The following STK32C variants were observed in gnomAD, a reference collection of about 807,000 sequenced individuals.
STK32C encodes serine/threonine kinase 32C, also known as serine/threonine-protein kinase 32C.
A neutral mutation model predicts 56.5 loss-of-function variants in STK32C; 31 were observed. The ratio of observed to expected loss-of-function variants is 0.55; its 90% confidence interval spans 0.41 to 0.74. The LOEUF is 0.74. Ranked by LOEUF, STK32C falls within the 30% of genes least tolerant of loss-of-function variation. The pLI, the probability that STK32C is intolerant of heterozygous loss-of-function variation, is 0.00. For missense variants in STK32C, 544 were observed against 676.9 expected, an observed-to-expected ratio of 0.80 and a Z score of 2.18; for synonymous variants, 309 against 289.4, an observed-to-expected ratio of 1.07 and a Z score of -0.69.
intron 2 of STK32C, among the ~76,000 whole-genome samples, chr10:132,241,291 T>C (rs1374748969): frequency 6.6e-6 from 1 of 152,184 alleles, no homozygotes; most frequent in Non-Finnish European, 1.5e-5. Context: ...CTTTGACAGC[T>C]GCGGGAAGGC....
At chr10:132,256,016 G>A (rs1446513884) in intron 1 of STK32C, among the ~76,000 whole-genome samples, 2 of 152,196 alleles carry the variant, frequency 1.3e-5, no homozygotes, top group African/African-American at 2.4e-5. Context: ...GGCAGCTCCG[G>A]GACAGGGCTC....
downstream of STK32C, among the ~76,000 whole-genome samples, chr10:132,320,709 C>G (rs1241912982): frequency 6.6e-6 from 1 of 152,112 alleles, no homozygotes; most frequent in Non-Finnish European, 1.5e-5. Flanking sequence ...CACGTTGAGG[C>G]CTGGTGGAGC....
chr10:132,252,026 G>C (rs1299940287), intron 1 of STK32C, among the ~76,000 whole-genome samples: 1 of 152,156 alleles, frequency 6.6e-6, no homozygotes, highest in Non-Finnish European at 1.5e-5. Flanking sequence ...TATGCCTCCT[G>C]GGGCCTCCGA....
At chr10:132,260,935 A>T (rs2064282224) in intron 1 of STK32C, among the ~76,000 whole-genome samples, 1 of 152,224 alleles carries the variant, frequency 6.6e-6, no homozygotes, top group Admixed American at 6.5e-5. Context: ...CAGGACGCTC[A>T]TGCGGGCCCC....
At chr10:132,325,712 T>C (rs1182223040) in intron 1 of STK32C, among the ~76,000 whole-genome samples, 1 of 149,244 alleles carries the variant, frequency 6.7e-6, no homozygotes, top group East Asian at 2.0e-4. Context: ...AATCGCCCAG[T>C]CTTTGGTATG....
chr10:132,279,432 ACT>A (rs1469934400), intron 1 of STK32C, among the ~76,000 whole-genome samples: 3 of 151,992 alleles, frequency 2.0e-5, no homozygotes, highest in Admixed American at 6.6e-5. Flanking sequence ...TAAATGACAG[ACT>A]CTACGTGACA....
rs530534395 is a variant in STK32C at position 132,262,534 on chromosome 10, C to T, written c.263-16579G>A. On this transcript the variant is annotated intron_variant, in intron 1 of 11. Transcript: ENST00000298630. ...ACAGGGAGAAAATATTCACAAACTA[C>T]GCATCTGACAAAGTTCTAATAACCA... Among the ~76,000 whole-genome samples the T allele has an allele frequency of 6.6e-5, 10 of 152,212 alleles. No homozygotes were observed. In the South Asian group the frequency reaches 1.5e-3, roughly 22 times the overall value.
At chr10:132,249,226 AGTGGGGCTGAGG>A in intron 1 of STK32C, 1 of 326,334 alleles carries the variant, frequency 3.1e-6, no homozygotes, top group Non-Finnish European at 6.0e-6. Context: ...GAGTGCTGGG[AGTGGGGCTGAGG>A]GTGGGGCTGT....
At chr10:132,306,627 G>A (rs78120470) in intron 1 of STK32C, among the ~76,000 whole-genome samples, 14,737 of 152,248 alleles carry the variant, frequency 0.097, 1,019 homozygotes, top group African/African-American at 0.19. Context: ...CTGAGCGCTG[G>A]GCTCTAAAAT....
chr10:132,297,639 T>A (rs891840354), intron 1 of STK32C, among the ~76,000 whole-genome samples: 1 of 152,214 alleles, frequency 6.6e-6, no homozygotes, highest in African/African-American at 2.4e-5. Flanking sequence ...ACACACAAGA[T>A]GACTGATGTT....
At chr10:132,282,461 G>C (rs1252651593) in intron 1 of STK32C, among the ~76,000 whole-genome samples, 1 of 125,702 alleles carries the variant, frequency 8.0e-6, no homozygotes, top group Non-Finnish European at 1.8e-5. Flanking sequence ...ACCTGTGCCT[G>C]CGCCCACCTG....
At chr10:132,269,245 C>A (rs1237045259) in intron 1 of STK32C, among the ~76,000 whole-genome samples, 3 of 137,612 alleles carry the variant, frequency 2.2e-5, no homozygotes, top group African/African-American at 8.5e-5. Context: ...GTCTGTGTCT[C>A]CGTGCATGTG....
chr10:132,257,541 G>A (rs982397017), intron 1 of STK32C, among the ~76,000 whole-genome samples: 3 of 152,062 alleles, frequency 2.0e-5, no homozygotes, highest in South Asian at 2.1e-4. Context: ...GCGGAGCTGC[G>A]AAGGAGTGGG....
rs556092388 is a variant in STK32C, at chr10:132,215,707, T to C, written c.1252-6606A>G. 2.4e-3 allele frequency among the ~76,000 whole-genome samples: 366 copies of C among 152,312 alleles called. 3 individuals are homozygous for C. Among genetic ancestry groups the C allele is most frequent in the African/African-American group, 8.5e-3 (352 of 41,574 alleles). ...ATACAGTAAATTGGTACCAGTAAAG[T>C]AGGGCGCTGCTGAAATGATACCTGA... On this transcript the variant is annotated intron_variant, in intron 10 of 11. Coordinates refer to ENST00000298630, the MANE Select transcript of STK32C (RefSeq NM_173575.4).
intron 1 of STK32C, among the ~76,000 whole-genome samples, chr10:132,266,477 T>C (rs1367845131): frequency 6.6e-6 from 1 of 152,140 alleles, no homozygotes; most frequent in Non-Finnish European, 1.5e-5. Context: ...TATACCTCAA[T>C]ACAAATAAAT....
intron 2 of STK32C, among the ~76,000 whole-genome samples, chr10:132,238,354 T>C (rs1305655284): frequency 6.6e-6 from 1 of 152,134 alleles, no homozygotes; most frequent in East Asian, 1.9e-4. Context: ...CCGTTCGTTA[T>C]AGTTACCAAC....
chr10:132,229,172 C>T (rs1379403443), intron 2 of STK32C, among the ~76,000 whole-genome samples: 2 of 152,250 alleles, frequency 1.3e-5, no homozygotes, highest in Non-Finnish European at 2.9e-5. Flanking sequence ...CCCTGTCTGA[C>T]ACTCAGGTTG....
rs567255782 is a variant in STK32C at position 132,251,489 on chromosome 10, C to T, written c.263-5534G>A. Among the ~76,000 whole-genome samples the T allele has an allele frequency of 9.9e-5, 15 of 152,274 alleles. No homozygotes were observed. The South Asian group carries it at 3.1e-3, about 32-fold the overall frequency. ...AGCCTACTGTGAACGGCCGAGGAGC[C>T]CTGTGGCCCTGGGAAGGGGGGGCAT... On this transcript the variant is annotated intron_variant, in intron 1 of 11. Coordinates refer to ENST00000298630, the MANE Select transcript of STK32C (RefSeq NM_173575.4).
intron 1 of STK32C, among the ~76,000 whole-genome samples, chr10:132,266,277 T>C (rs1211582832): frequency 1.3e-5 from 2 of 152,150 alleles, no homozygotes; most frequent in Non-Finnish European, 2.9e-5. Flanking sequence ...AAGAACAGGC[T>C]GGACGGATCC....
Sources: allele counts gnomAD v4.1 joint callset (sites outside exome capture counted in the v4.1 genomes callset), GRCh38; gene constraint gnomAD v4.1.1; transcripts MANE v1.5; gene names NCBI Gene and HGNC (gene_info 2026-07-23, HGNC 2026-07-21).